VWA3B: variants seen among roughly 807,000 people sequenced by gnomAD.
The protein encoded by VWA3B is von Willebrand factor A domain-containing protein 3B.
Under a neutral mutation model 158.3 loss-of-function variants are expected in VWA3B, and 138 were observed. That is an observed-to-expected ratio of 0.87 (90% CI 0.76 to 1.00). VWA3B has a LOEUF of 1.00. Among genes scored for constraint, VWA3B ranks in the 50% least tolerant of loss-of-function variants. VWA3B has a pLI of 0.00. For missense variants in VWA3B, 1,555 were observed against 1,565.1 expected (o/e 0.99, Z 0.11); for synonymous variants, 596 against 587.3 (o/e 1.01, Z -0.21).
chr2:98,267,893 C>T (rs1347648162), intron 21 of VWA3B, among the ~76,000 whole-genome samples: 2 of 152,130 alleles, frequency 1.3e-5, no homozygotes, highest in Non-Finnish European at 2.9e-5. Context: ...AAACTACCAT[C>T]AGAGAATACT....
chr2:98,239,921 AAAAG>A lies in VWA3B; in HGVS notation c.2673+3200_2673+3203del, dbSNP rs1381017102. 7.2e-5 allele frequency among the ~76,000 whole-genome samples: 11 copies of A among 152,190 alleles called. No individual in the cohort carries two copies. In the East Asian group the frequency reaches 2.1e-3, roughly 29 times the overall value. Reference sequence around the variant, plus strand: ...GAGCGAGACTTCATCTAAAAAAAAAAAAAGAAAGAAAGTGAAACAGACCTGAAAG... The same window carrying A: ...GAGCGAGACTTCATCTAAAAAAAAAAAAAGAAAGTGAAACAGACCTGAAAG... On this transcript the variant is annotated intron_variant, in intron 19 of 27. Coordinates refer to ENST00000477737, the MANE Select transcript of VWA3B (RefSeq NM_144992.5).
At chr2:98,187,250 A>T (rs944615498) in intron 9 of VWA3B, among the ~76,000 whole-genome samples, 1 of 151,710 alleles carries the variant, frequency 6.6e-6, no homozygotes, top group Non-Finnish European at 1.5e-5. Context: ...ATGTGTCATG[A>T]TTTGCTTATT....
intron 8 of VWA3B, among the ~76,000 whole-genome samples, chr2:98,173,800 T>A (rs1236512037): frequency 6.6e-6 from 1 of 152,106 alleles, no homozygotes; most frequent in Non-Finnish European, 1.5e-5. Context: ...ATCCCATCTT[T>A]ACTAAAAATA....
At chr2:98,152,757 G>C (rs183899364) in intron 7 of VWA3B, among the ~76,000 whole-genome samples, 3 of 152,322 alleles carry the variant, frequency 2.0e-5, no homozygotes, top group Non-Finnish European at 4.4e-5. Flanking sequence ...GCAGTGGAAC[G>C]AACAGTGGAC....
chr2:98,128,519 C>T (rs1474195165), intron 6 of VWA3B, 111 bp downstream of exon 6: 3 of 1,085,280 alleles, frequency 2.8e-6, no homozygotes, highest in African/African-American at 1.6e-5. Flanking sequence ...GCTGTGTTCT[C>T]CTCTTTCCAG....
At chr2:98,183,320 G>T (rs1680749097) in intron 9 of VWA3B, among the ~76,000 whole-genome samples, 1 of 151,768 alleles carries the variant, frequency 6.6e-6, no homozygotes, top group African/African-American at 2.4e-5. Flanking sequence ...AGAAACTAAG[G>T]CTGTGAAATA....
chr2:98,223,309 A>G (rs75220294), intron 14 of VWA3B, among the ~76,000 whole-genome samples: 1 of 20,268 alleles, frequency 4.9e-5, no homozygotes, highest in Non-Finnish European at 9.9e-5. Context: ...AAAATAGACC[A>G]AAAAAAAAAA....
chr2:98,131,787 A>C (rs189008705), intron 6 of VWA3B, among the ~76,000 whole-genome samples: 3 of 152,132 alleles, frequency 2.0e-5, no homozygotes, highest in African/African-American at 7.2e-5. Context: ...TTTTCCCATC[A>C]CTTTGCATAA....
the VWA3B span, among the ~76,000 whole-genome samples, chr2:98,327,671 G>T: frequency 1.3e-5 from 2 of 152,154 alleles, no homozygotes; most frequent in Non-Finnish European, 2.9e-5. Flanking sequence ...CTGATGAAGG[G>T]CATGGTTATA....
chr2:98,276,337 A>G (rs17427684), intron 22 of VWA3B, among the ~76,000 whole-genome samples: 28,464 of 152,208 alleles, frequency 0.19, 3,032 homozygotes, highest in Admixed American at 0.34. Context: ...TGGTGTGTGA[A>G]GCTCCAGGTT....
intron 6 of VWA3B, among the ~76,000 whole-genome samples, chr2:98,130,595 C>G (rs865979721): frequency 2.6e-5 from 4 of 152,192 alleles, no homozygotes; most frequent in African/African-American, 2.4e-5. Flanking sequence ...TGACTCTTAA[C>G]GAGCATGCTG....
At chr2:98,206,480 G>T (rs537840744) in intron 12 of VWA3B, 29 of 400,594 alleles carry the variant, frequency 7.2e-5, no homozygotes, top group Non-Finnish European at 9.9e-6. Flanking sequence ...TAAGGATTAT[G>T]CTATGAATGG....
In VWA3B at chr2:98,153,356, T is replaced by G. The variant is rs1677788990; in HGVS notation, c.989-9495T>G. Among the ~76,000 whole-genome samples, 5 of 152,352 alleles carry G rather than the reference T, an allele frequency of 3.3e-5. No individual in the cohort carries two copies. In the South Asian group the frequency reaches 1.0e-3, roughly 32 times the overall value. On this transcript the variant is annotated intron_variant, in intron 7 of 27. Transcript: ENST00000477737. Reference sequence around the variant, plus strand: ...TAGAACAGCTACTATACTCTACCAGTATTATTCTTAAGTCCAAAAATATTG... The same window carrying G: ...TAGAACAGCTACTATACTCTACCAGGATTATTCTTAAGTCCAAAAATATTG...
Position 98,188,088 on chromosome 2 carries a change from C to T in VWA3B, c.1425C>T (p.Tyr475=), listed in dbSNP as rs971803050. 1 of 1,613,906 alleles carries T rather than the reference C, an allele frequency of 6.2e-7. No individual in the cohort carries two copies. The highest frequency in any genetic ancestry group is 8.5e-7 in the Non-Finnish European group (1 of 1,179,900). ...TTACCAAAGAGAAGTGCAAGTGGTA[C>T]AGTGAGAGAATCCACACAGCCCTGG... ...VNITKEKCKW[Y]SERIHTALAR... is the part of the protein sequence containing the mutation. Residue 475 remains tyrosine, a synonymous_variant, in exon 10 of 28, where the codon TAC becomes TAT. Coordinates refer to ENST00000477737, the MANE Select transcript of VWA3B (RefSeq NM_144992.5).
Position 98,250,393 on chromosome 2 carries a change from A to G in VWA3B, c.2749A>G (p.Ile917Val), listed in dbSNP as rs771445914. Residue 917 changes from isoleucine to valine, a missense_variant, in exon 20 of 28, where the codon ATC becomes GTC. By Grantham distance (29) the Ile-to-Val change is conservative. Transcript: ENST00000477737. The stretch of plus-strand genomic sequence containing the variant: ...TAACCCCCAAGGAGCCAAACTCAAT[A>G]TCTACAAGCGAAAAGTGGAACAGGC... ...LINPQGAKLN[I>V]YKRKVEQAIQ... 6.2e-7 allele frequency: 1 copy of G among 1,613,242 alleles called. No individual in the cohort carries two copies. The highest frequency in any genetic ancestry group is 8.5e-7 in the Non-Finnish European group (1 of 1,179,734).
chr2:98,256,029 C>T, intron 20 of VWA3B, 95 bp from the exon 21 acceptor site: 1 of 1,381,486 alleles, frequency 7.2e-7, no homozygotes, highest in Admixed American at 1.9e-5. Context: ...GGAGATGATG[C>T]TTAGATGGGC....
At chr2:98,141,108 T>C (rs1211624427) in intron 7 of VWA3B, among the ~76,000 whole-genome samples, 2 of 152,212 alleles carry the variant, frequency 1.3e-5, no homozygotes, top group Non-Finnish European at 2.9e-5. Flanking sequence ...CCATTGACTG[T>C]GGTGACACTT....
intron 21 of VWA3B, among the ~76,000 whole-genome samples, chr2:98,264,728 T>C (rs916587657): frequency 6.6e-6 from 1 of 152,186 alleles, no homozygotes; most frequent in Non-Finnish European, 1.5e-5. Context: ...TTAGGCCCAG[T>C]TGATTGGTGG....
At chr2:98,301,997 T>C (rs1185942021) in intron 25 of VWA3B, among the ~76,000 whole-genome samples, 1 of 152,180 alleles carries the variant, frequency 6.6e-6, no homozygotes, top group Non-Finnish European at 1.5e-5. Context: ...ACTGATGATG[T>C]AGTTTGCCTG....
Sources: gnomAD v4.1 joint callset for allele counts (sites outside exome capture counted in the v4.1 genomes callset) on GRCh38, gnomAD v4.1.1 for gene constraint, MANE v1.5 for transcripts, NCBI Gene and HGNC (gene_info 2026-07-23, HGNC 2026-07-21) for gene names.